DCUN1D3: variants seen among roughly 807,000 people sequenced by gnomAD.
DCUN1D3 encodes the protein defective in cullin neddylation 1 domain containing 3.
A neutral mutation model predicts 24.8 loss-of-function variants in DCUN1D3; 6 were observed. That is an observed-to-expected ratio of 0.24 (90% CI 0.13 to 0.48). The LOEUF (loss-of-function observed/expected upper bound fraction) is 0.48. Among genes scored for constraint, DCUN1D3 ranks in the 20% least tolerant of loss-of-function variants. The pLI is 0.99. For synonymous variants in DCUN1D3, 120 were observed against 144.9 expected (o/e 0.83, Z 1.24); for missense variants, 258 against 379.4 (o/e 0.68, Z 2.66).
chr16:20,856,115 C>T lies in DCUN1D3; in HGVS notation c.*3771G>A, dbSNP rs1245257042. 6.6e-6 allele frequency: 1 copy of T among 152,174 alleles called. No homozygotes were observed. The highest frequency in any genetic ancestry group is 1.5e-5 in the Non-Finnish European group (1 of 68,050). 9.4% of individuals were successfully genotyped at this position (152,174 alleles called of 1,614,324 possible). A position where few individuals can be genotyped will look rare whatever the true frequency, so the allele number is the denominator to read the frequency against. ...TCTACACCTTTTGGGCTTTGCTGCA[C>T]TGAAGACCTCATTTGGAATCTGGCA... On this transcript the variant is annotated 3_prime_UTR_variant, in exon 3 of 3. Coordinates refer to ENST00000324344, the MANE Select transcript of DCUN1D3 (RefSeq NM_173475.4).
intron 1 of DCUN1D3, among the ~76,000 whole-genome samples, chr16:20,883,039 T>C (rs1050860015): frequency 4.6e-5 from 7 of 152,168 alleles, no homozygotes; most frequent in African/African-American, 1.7e-4. Context: ...GAACTTCAGA[T>C]TTTAGAATAT....
chr16:20,859,797 G>T lies in DCUN1D3; in HGVS notation c.*89C>A. On this transcript the variant is annotated 3_prime_UTR_variant, in exon 3 of 3. Transcript: ENST00000324344. ...AAAGGTGTAAAGTAGAAAATATCCG[G>T]ATCTTCAGTAATTTCCAAAATGGTC... 1 of 1,479,178 alleles carries T rather than the reference G, an allele frequency of 6.8e-7. No individual in the cohort carries two copies. Among genetic ancestry groups the T allele is most frequent in the Non-Finnish European group, 9.0e-7 (1 of 1,108,102 alleles). 91.6% of individuals were successfully genotyped at this position (1,479,178 alleles called of 1,614,324 possible).
At chr16:20,881,050 G>A (rs1030675231) in intron 1 of DCUN1D3, among the ~76,000 whole-genome samples, 1 of 152,156 alleles carries the variant, frequency 6.6e-6, no homozygotes, top group Non-Finnish European at 1.5e-5. Flanking sequence ...TTGAGTCACT[G>A]AGAAATGAGA....
chr16:20,894,215 G>A (rs2152519238), intron 1 of DCUN1D3, among the ~76,000 whole-genome samples: 1 of 152,270 alleles, frequency 6.6e-6, no homozygotes, highest in East Asian at 1.9e-4. Context: ...GCTGCCGTGA[G>A]CCTTGATCAT....
intron 1 of DCUN1D3, among the ~76,000 whole-genome samples, chr16:20,870,151 T>A (rs999639327): frequency 6.6e-6 from 1 of 152,198 alleles, no homozygotes. Flanking sequence ...TCTGGGTTAG[T>A]CTTTCCAAGG....
chr16:20,884,817 T>C (rs1186989148), intron 1 of DCUN1D3, among the ~76,000 whole-genome samples: 1 of 152,160 alleles, frequency 6.6e-6, no homozygotes, highest in Non-Finnish European at 1.5e-5. Flanking sequence ...TATGAAGTCA[T>C]GTAGAAACCT....
At chr16:20,884,863 C>T (rs2081861041) in intron 1 of DCUN1D3, among the ~76,000 whole-genome samples, 1 of 152,080 alleles carries the variant, frequency 6.6e-6, no homozygotes, top group Admixed American at 6.6e-5. Context: ...TTGCAGGGAA[C>T]CATGATTAGG....
intron 1 of DCUN1D3, among the ~76,000 whole-genome samples, chr16:20,894,211 G>A (rs778178364): frequency 5.3e-5 from 8 of 152,170 alleles, no homozygotes; most frequent in East Asian, 1.9e-4. Context: ...CGAGGCTGCC[G>A]TGAGCCTTGA....
intron 1 of DCUN1D3, among the ~76,000 whole-genome samples, chr16:20,875,975 AT>A (rs1431188397): frequency 1.3e-5 from 2 of 151,834 alleles, no homozygotes; most frequent in Non-Finnish European, 2.9e-5. Context: ...TTATTTATTT[AT>A]TTTTTTTGAG....
chr16:20,895,954 T>C (rs1383223106), intron 1 of DCUN1D3, among the ~76,000 whole-genome samples: 7 of 152,236 alleles, frequency 4.6e-5, no homozygotes, highest in East Asian at 3.8e-4. Context: ...CTTCAGCACA[T>C]AGACAGTCCC....
chr16:20,875,887 G>A (rs184145444), intron 1 of DCUN1D3, among the ~76,000 whole-genome samples: 11 of 152,162 alleles, frequency 7.2e-5, no homozygotes, highest in East Asian at 1.9e-4. Context: ...CATCTGACGA[G>A]GGATTAACAG....
chr16:20,898,568 T>A (rs892914268), intron 1 of DCUN1D3, among the ~76,000 whole-genome samples: 2 of 152,212 alleles, frequency 1.3e-5, no homozygotes, highest in South Asian at 4.1e-4. Flanking sequence ...TCTTCTGTTG[T>A]ATTTTTGTGA....
rs535621186 is a variant in DCUN1D3 at position 20,860,839 on chromosome 16, C to A, written c.432-470G>T. 6.6e-6 allele frequency among the ~76,000 whole-genome samples: 1 copy of A among 152,116 alleles called. No homozygotes were observed. The highest frequency in any genetic ancestry group is 6.5e-5 in the Admixed American group (1 of 15,284). On this transcript the variant is annotated intron_variant, in intron 2 of 2. Coordinates refer to ENST00000324344, the MANE Select transcript of DCUN1D3 (RefSeq NM_173475.4). This position sits in a 1 kb window ranked among gnomAD's most constrained non-coding sequence, Gnocchi z 4.3. ...GACTTCTGGAGCCAAGGATTCTGAACCTGAGTAATTCTACCACCAGAGATC... is the reference window on the plus strand; with the variant it reads ...GACTTCTGGAGCCAAGGATTCTGAAACTGAGTAATTCTACCACCAGAGATC...
At chr16:20,864,408 T>C (rs936304580) in intron 1 of DCUN1D3, among the ~76,000 whole-genome samples, 1 of 151,894 alleles carries the variant, frequency 6.6e-6, no homozygotes, top group Non-Finnish European at 1.5e-5. Flanking sequence ...TCACTGATCA[T>C]TAGAGAAATG....
chr16:20,894,407 T>C (rs192908572), intron 1 of DCUN1D3, among the ~76,000 whole-genome samples: 2 of 152,340 alleles, frequency 1.3e-5, no homozygotes, highest in East Asian at 3.9e-4. Flanking sequence ...AGTCCCACAC[T>C]ATACACTGCT....
chr16:20,868,193 C>G (rs1487579802), intron 1 of DCUN1D3, among the ~76,000 whole-genome samples: 5 of 152,350 alleles, frequency 3.3e-5, no homozygotes, highest in Admixed American at 6.5e-5. Context: ...TGGACAGCCT[C>G]AGCACAATCT....
chr16:20,884,369 TGGTCTGCAGACCAAG>T (rs1307146004), intron 1 of DCUN1D3, among the ~76,000 whole-genome samples: 1 of 152,178 alleles, frequency 6.6e-6, no homozygotes, highest in Non-Finnish European at 1.5e-5. Flanking sequence ...TTGCAAAACT[TGGTCTGCAGACCAAG>T]GGTGAATGTC....
chr16:20,872,473 T>TAAA (rs539641152), intron 1 of DCUN1D3, among the ~76,000 whole-genome samples: 64 of 138,426 alleles, frequency 4.6e-4, no homozygotes, highest in Middle Eastern at 3.6e-3. Flanking sequence ...TGCTAATTCT[T>TAAA]AAAAAAAAAA....
intron 1 of DCUN1D3, among the ~76,000 whole-genome samples, chr16:20,878,803 A>G (rs1434030334): frequency 6.6e-6 from 1 of 152,234 alleles, no homozygotes; most frequent in Non-Finnish European, 1.5e-5. Context: ...AGGGTAAGTG[A>G]TACAGACAAT....
Sources: gnomAD v4.1 joint callset for allele counts (sites outside exome capture counted in the v4.1 genomes callset) on GRCh38, gnomAD v4.1.1 for gene constraint, Gnocchi (gnomAD v3.1) non-coding constraint, MANE v1.5 for transcripts, NCBI Gene and HGNC (gene_info 2026-07-23, HGNC 2026-07-21) for gene names.